Variants in INPP4A observed in about 807,000 individuals in gnomAD.
INPP4A encodes the protein inositol polyphosphate-4-phosphatase, type I, 107kD.
In INPP4A, 33 loss-of-function variants were observed where a neutral mutation model predicts 119.8. The observed-to-expected ratio is 0.28, with a 90% confidence interval of 0.21 to 0.37. The LOEUF is 0.37. Among genes scored for constraint, INPP4A ranks in the 10% least tolerant of loss-of-function variants. INPP4A has a pLI of 1.00. For missense variants in INPP4A, 956 were observed against 1,289.9 expected (o/e 0.74, Z 3.97); for synonymous variants, 496 against 500.7 (o/e 0.99, Z 0.12).
intron 1 of INPP4A, among the ~76,000 whole-genome samples, chr2:98,514,939 ACAAAACCC>A (rs929415157): frequency 6.6e-6 from 1 of 151,486 alleles, no homozygotes; most frequent in Admixed American, 6.6e-5. Context: ...AAAAAAAAGT[ACAAAACCC>A]CAAAACTCCA....
chr2:98,494,112 C>G (rs1295575892), intron 1 of INPP4A, among the ~76,000 whole-genome samples: 1 of 152,206 alleles, frequency 6.6e-6, no homozygotes, highest in African/African-American at 2.4e-5. Flanking sequence ...CATCCGCTGC[C>G]CAGCTCAGCA....
intron 1 of INPP4A, among the ~76,000 whole-genome samples, chr2:98,473,224 C>T (rs1356618417): frequency 1.4e-5 from 2 of 140,030 alleles, no homozygotes; most frequent in African/African-American, 5.4e-5. Context: ...AGTGTGGGTG[C>T]AGTGGAGAGT....
At position 98,485,172 on chromosome 2, in the gene INPP4A, G is replaced by T. The variant is rs1574667795; in HGVS notation, c.-165-33792G>T. On this transcript the variant is annotated intron_variant, in intron 1 of 24. Coordinates refer to ENST00000409851, the MANE Select transcript of INPP4A (RefSeq NM_001134225.2). Reference sequence around the variant, plus strand: ...GTGGAGACCATCCTGATCATGCAGGGTCCTTGCTGCTTGCAGGCCCGTGGC... The same window carrying T: ...GTGGAGACCATCCTGATCATGCAGGTTCCTTGCTGCTTGCAGGCCCGTGGC... Among the ~76,000 whole-genome samples, 3 of 152,322 alleles carry T rather than the reference G, an allele frequency of 2.0e-5. No individual in the cohort carries two copies. The South Asian group carries it at 6.2e-4, about 32-fold the overall frequency.
intron 1 of INPP4A, among the ~76,000 whole-genome samples, chr2:98,465,207 G>T (rs904573783): frequency 6.6e-6 from 1 of 152,216 alleles, no homozygotes. Context: ...TGTGGGCAAG[G>T]CCATGTTCCC....
chr2:98,503,174 C>T (rs989485911), intron 1 of INPP4A, among the ~76,000 whole-genome samples: 1 of 152,114 alleles, frequency 6.6e-6, no homozygotes, highest in Non-Finnish European at 1.5e-5. Flanking sequence ...TTCTTGTGGG[C>T]AGGTTCCTCC....
chr2:98,589,162 C>T lies in INPP4A; in HGVS notation c.*1554C>T, dbSNP rs150829161. 2.0e-3 allele frequency: 351 copies of T among 178,640 alleles called. 1 individual carries two copies. Among genetic ancestry groups the T allele is most frequent in the African/African-American group, 8.0e-3 (338 of 42,412 alleles). The allele number at this position is 178,640 out of a possible 1,614,324, so 11.1% of individuals were successfully genotyped here. On this transcript the variant is annotated 3_prime_UTR_variant, in exon 25 of 25. Coordinates refer to ENST00000409851, the MANE Select transcript of INPP4A (RefSeq NM_001134225.2). Reference sequence around the variant, plus strand: ...CTGTGAAGGACACTTTAATGAAGGACGAAGCTCTCTGCTGCTCCCTCAAAG... The same window carrying T: ...CTGTGAAGGACACTTTAATGAAGGATGAAGCTCTCTGCTGCTCCCTCAAAG...
At chr2:98,586,462 T>TAA (rs1699963549) in intron 24 of INPP4A, among the ~76,000 whole-genome samples, 1 of 152,224 alleles carries the variant, frequency 6.6e-6, no homozygotes, top group Admixed American at 6.5e-5. Flanking sequence ...ATTTGATAAC[T>TAA]AGTTGATTTC....
Position 98,566,307 on chromosome 2 carries a change from G to GTCTTT in INPP4A, c.2420+138_2420+139insTCTTT. Reference sequence around the variant, plus strand: ...TTCCTTTGGCCAACATTTTCATCATGGCCGTGCACCTCACTGTCTTTGGTG... The same window carrying GTCTTT: ...TTCCTTTGGCCAACATTTTCATCATGTCTTTGCCGTGCACCTCACTGTCTTTGGTG... On this transcript the variant is annotated intron_variant, in intron 21 of 24. Transcript: ENST00000409851. This position sits in a 1 kb window ranked among gnomAD's most constrained non-coding sequence, Gnocchi z 4.2. 1 of 963,342 alleles carries GTCTTT rather than the reference G, an allele frequency of 1.0e-6. No individual in the cohort carries two copies. Among genetic ancestry groups the GTCTTT allele is most frequent in the East Asian group, 2.9e-5 (1 of 34,966 alleles). The allele number at this position is 963,342 out of a possible 1,614,324, so 59.7% of individuals were successfully genotyped here.
At chr2:98,459,257 C>T (rs1200525879) in intron 1 of INPP4A, among the ~76,000 whole-genome samples, 1 of 152,218 alleles carries the variant, frequency 6.6e-6, no homozygotes, top group East Asian at 1.9e-4. Context: ...ACTCTGATTG[C>T]CTCACCTGGT....
At chr2:98,515,254 C>G (rs1685888645) in intron 1 of INPP4A, among the ~76,000 whole-genome samples, 2 of 152,196 alleles carry the variant, frequency 1.3e-5, no homozygotes, top group South Asian at 2.1e-4. Context: ...AGAGTAAGTC[C>G]TTTCCTCTTT....
At chr2:98,476,073 A>G (rs1677147013) in intron 1 of INPP4A, among the ~76,000 whole-genome samples, 1 of 152,196 alleles carries the variant, frequency 6.6e-6, no homozygotes, top group African/African-American at 2.4e-5. Context: ...TTTTCTCCTT[A>G]ATGAGTCAGA....
At position 98,564,748 on chromosome 2, in the gene INPP4A, C is replaced by T; in HGVS notation, c.2137C>T (p.Leu713=). 1 of 1,594,614 alleles carries T rather than the reference C, an allele frequency of 6.3e-7. No homozygotes were observed. The highest frequency in any genetic ancestry group is 8.5e-7 in the Non-Finnish European group (1 of 1,170,558). ...TIGLLAQFES[L]LSTYGEELAM... is the part of the protein sequence containing the mutation. ...CGGGCTGCTGGCCCAGTTCGAGAGC[C>T]TGCTGAGCACCTACGGTGAGGCGCC... The change falls in exon 19 of 25, where the codon CTG becomes TTG. Residue 713 remains leucine (L), a synonymous_variant. Transcript: ENST00000409851.
At chr2:98,494,426 C>A (rs1261739585) in intron 1 of INPP4A, among the ~76,000 whole-genome samples, 1 of 152,178 alleles carries the variant, frequency 6.6e-6, no homozygotes, top group Non-Finnish European at 1.5e-5. Context: ...CTGCTCCCAT[C>A]CAGCACCCTG....
At chr2:98,492,968 C>G (rs182123608) in intron 1 of INPP4A, among the ~76,000 whole-genome samples, 2 of 152,326 alleles carry the variant, frequency 1.3e-5, no homozygotes, top group Admixed American at 6.5e-5. Context: ...GCCAGTGTCT[C>G]TGTTTTCTCC....
intron 3 of INPP4A, 30 bp from the exon 4 acceptor site, chr2:98,520,654 GGAT>G: frequency 7.2e-7 from 1 of 1,380,660 alleles, no homozygotes; most frequent in Non-Finnish European, 9.9e-7. Flanking sequence ...AGTTTATTAA[GGAT>G]GATTTTTCTG....
At chr2:98,457,262 A>G (rs927949316) in intron 1 of INPP4A, among the ~76,000 whole-genome samples, 2 of 152,206 alleles carry the variant, frequency 1.3e-5, no homozygotes, top group African/African-American at 4.8e-5. Context: ...GATTAGATCT[A>G]GCTGGGTTAG....
chr2:98,470,643 G>A lies in INPP4A; in HGVS notation c.-166+25558G>A, dbSNP rs572382795. 2.6e-5 allele frequency among the ~76,000 whole-genome samples: 4 copies of A among 152,254 alleles called. No individual in the cohort carries two copies. The South Asian group carries it at 8.3e-4, about 32-fold the overall frequency. On this transcript the variant is annotated intron_variant, in intron 1 of 24. Coordinates refer to ENST00000409851, the MANE Select transcript of INPP4A (RefSeq NM_001134225.2). ...GTGGTTCAGGGCCATGTTGCAGGAG[G>A]AGCTGGAAGACATTTCTTTTTTTCT...
chr2:98,489,207 G>T (rs539691402), intron 1 of INPP4A, among the ~76,000 whole-genome samples: 14 of 152,198 alleles, frequency 9.2e-5, no homozygotes, highest in African/African-American at 3.1e-4. Flanking sequence ...GGAAGGGAGA[G>T]AAATCAGGAG....
intron 13 of INPP4A, chr2:98,548,871 A>C: frequency 7.9e-7 from 1 of 1,269,398 alleles, no homozygotes; most frequent in South Asian, 1.3e-5. Flanking sequence ...ACAAAAAATA[A>C]GTTGGCTTTT....
Sources: allele counts gnomAD v4.1 joint callset (sites outside exome capture counted in the v4.1 genomes callset), GRCh38; gene constraint gnomAD v4.1.1; non-coding constraint Gnocchi (gnomAD v3.1); transcripts MANE v1.5; gene names NCBI Gene and HGNC (gene_info 2026-07-23, HGNC 2026-07-21).